The following NRXN3 variants were observed in gnomAD, a reference collection of about 807,000 sequenced individuals.
NRXN3 encodes the protein neurexin III.
In NRXN3, 32 loss-of-function variants were observed where a neutral mutation model predicts 137.6. That is an observed-to-expected ratio of 0.23 (90% confidence interval 0.18 to 0.31). The LOEUF (loss-of-function observed/expected upper bound fraction) is 0.31. Ranked by LOEUF, NRXN3 falls within the 10% of genes least tolerant of loss-of-function variation. The pLI is 1.00. For missense variants in NRXN3, 1,574 were observed against 2,062.5 expected (o/e 0.76, Z 4.59); for synonymous variants, 798 against 784.5 (o/e 1.02, Z -0.29).
intron 15 of NRXN3, among the ~76,000 whole-genome samples, chr14:79,254,159 A>T (rs1407281269): frequency 6.6e-6 from 1 of 152,124 alleles, no homozygotes; most frequent in Non-Finnish European, 1.5e-5. Flanking sequence ...GGGCAACCTG[A>T]AGGCCATCTT....
intron 9 of NRXN3, among the ~76,000 whole-genome samples, chr14:78,805,727 C>G (rs1455429546): frequency 1.3e-5 from 2 of 152,050 alleles, no homozygotes; most frequent in Non-Finnish European, 2.9e-5. Context: ...AATGATTCAG[C>G]CCCACGCGAT....
chr14:79,283,579 A>G (rs1443190868), intron 15 of NRXN3, among the ~76,000 whole-genome samples: 1 of 152,070 alleles, frequency 6.6e-6, no homozygotes, highest in East Asian at 1.9e-4. Context: ...AGCCTAGAGG[A>G]TGCTGGGATT....
At chr14:79,669,006 T>C (rs1054993084) in intron 17 of NRXN3, 1 of 152,136 alleles carries the variant, frequency 6.6e-6, no homozygotes, top group African/African-American at 2.4e-5. Flanking sequence ...CTTGACATGA[T>C]GCTGAAATTT....
At chr14:79,808,086 A>G (rs2140732159) in intron 20 of NRXN3, among the ~76,000 whole-genome samples, 1 of 151,904 alleles carries the variant, frequency 6.6e-6, no homozygotes, top group East Asian at 1.9e-4. Flanking sequence ...ATAATACAAA[A>G]AATTAGCCAG....
intron 1 of NRXN3, among the ~76,000 whole-genome samples, chr14:78,208,805 T>C (rs2062457207): frequency 6.6e-6 from 1 of 152,208 alleles, no homozygotes; most frequent in Non-Finnish European, 1.5e-5. Flanking sequence ...TCTCAGCACA[T>C]GGTAAGCTCA....
intron 16 of NRXN3, among the ~76,000 whole-genome samples, chr14:79,476,081 TG>T (rs938461655): frequency 3.0e-4 from 45 of 152,098 alleles, no homozygotes; most frequent in Admixed American, 1.3e-4. Context: ...TCATTACTCC[TG>T]GGGTATTGTT....
At chr14:78,793,306 G>A (rs1421442772) in intron 8 of NRXN3, among the ~76,000 whole-genome samples, 1 of 152,136 alleles carries the variant, frequency 6.6e-6, no homozygotes. Flanking sequence ...AACACTTGGT[G>A]AGAACAGTGA....
At chr14:78,390,131 G>T (rs1467470456) in intron 4 of NRXN3, among the ~76,000 whole-genome samples, 1 of 152,150 alleles carries the variant, frequency 6.6e-6, no homozygotes, top group Non-Finnish European at 1.5e-5. Context: ...ACCGGGTACG[G>T]CAAGTCCTCC....
rs558053200 is a variant in NRXN3 at position 79,396,703 on chromosome 14, G to A, written c.3263-70518G>A. ...TGCTTATGTTAAAATAGTTGAGTCCGCGCTGTATCTTTTTACTTGATTAAT... is the reference window on the plus strand; with the variant it reads ...TGCTTATGTTAAAATAGTTGAGTCCACGCTGTATCTTTTTACTTGATTAAT... On this transcript the variant is annotated intron_variant, in intron 15 of 20. Transcript: ENST00000335750. Among the ~76,000 whole-genome samples the A allele has an allele frequency of 1.7e-4, 26 of 152,224 alleles. 1 individual carries two copies. The South Asian group carries it at 5.4e-3, about 32-fold the overall frequency.
intron 15 of NRXN3, among the ~76,000 whole-genome samples, chr14:79,423,526 G>A (rs1315760042): frequency 2.6e-5 from 4 of 152,184 alleles, no homozygotes; most frequent in African/African-American, 9.6e-5. Context: ...TACTAGAATG[G>A]TTAAGTTACT....
At chr14:78,442,595 G>A (rs543255059) in intron 4 of NRXN3, among the ~76,000 whole-genome samples, 1 of 152,180 alleles carries the variant, frequency 6.6e-6, no homozygotes, top group Admixed American at 6.5e-5. Flanking sequence ...TCTCTGAAAG[G>A]GAAGACAGGG....
At chr14:79,712,918 G>A (rs1336310124) in intron 19 of NRXN3, among the ~76,000 whole-genome samples, 30 of 152,196 alleles carry the variant, frequency 2.0e-4, no homozygotes, top group Non-Finnish European at 4.4e-5. Context: ...TTTTCAAGGT[G>A]CACATTGTCC....
chr14:78,367,538 C>T (rs915345493), intron 4 of NRXN3, among the ~76,000 whole-genome samples: 3 of 152,196 alleles, frequency 2.0e-5, no homozygotes, highest in African/African-American at 4.8e-5. Flanking sequence ...ATGTCACCTA[C>T]TCTGCTGACC....
intron 15 of NRXN3, among the ~76,000 whole-genome samples, chr14:79,239,813 AATATTATTC>A (rs2073990049): frequency 6.6e-6 from 1 of 152,190 alleles, no homozygotes; most frequent in African/African-American, 2.4e-5. Flanking sequence ...TACACAATCG[AATATTATTC>A]AGCCTTAAAC....
intron 4 of NRXN3, among the ~76,000 whole-genome samples, chr14:78,456,859 C>CTCTTTCTT (rs199940490): frequency 1.2e-5 from 1 of 81,232 alleles, no homozygotes; most frequent in East Asian, 3.8e-4. Flanking sequence ...CTTTCTTTTT[C>CTCTTTCTT]TCTTTCTTTC....
chr14:79,183,483 C>G (rs1056269535), intron 15 of NRXN3, among the ~76,000 whole-genome samples: 10 of 152,134 alleles, frequency 6.6e-5, no homozygotes, highest in Non-Finnish European at 1.0e-4. Flanking sequence ...AAGTAAAATG[C>G]CTCACATCTG....
chr14:78,376,065 T>C (rs960725602), intron 4 of NRXN3, among the ~76,000 whole-genome samples: 22 of 151,754 alleles, frequency 1.4e-4, no homozygotes, highest in South Asian at 2.1e-4. Context: ...ATATCATCTC[T>C]GCTAGATCCA....
intron 15 of NRXN3, among the ~76,000 whole-genome samples, chr14:79,209,833 T>C (rs1209447100): frequency 1.3e-5 from 2 of 152,148 alleles, no homozygotes; most frequent in Admixed American, 6.5e-5. Flanking sequence ...AAGTCCTCTG[T>C]TTACTATTTA....
At chr14:78,917,995 A>G (rs1219244429) in intron 10 of NRXN3, among the ~76,000 whole-genome samples, 1 of 150,782 alleles carries the variant, frequency 6.6e-6, no homozygotes, top group Non-Finnish European at 1.5e-5. Flanking sequence ...AATGAAAAAA[A>G]AAAAAAAAGG....
Sources: gnomAD v4.1 joint callset for allele counts (sites outside exome capture counted in the v4.1 genomes callset) on GRCh38, gnomAD v4.1.1 for gene constraint, MANE v1.5 for transcripts, NCBI Gene and HGNC (gene_info 2026-07-23, HGNC 2026-07-21) for gene names.